Variants in PHACTR1 observed in about 807,000 individuals in gnomAD.
PHACTR1 encodes the protein RPEL repeat containing 1.
A neutral mutation model predicts 69.2 loss-of-function variants in PHACTR1; 16 were observed. The ratio of observed to expected loss-of-function variants is 0.23; its 90% CI spans 0.16 to 0.35. The LOEUF (loss-of-function observed/expected upper bound fraction) is 0.35, where lower values mean the gene tolerates loss of function less well. Among genes scored for constraint, PHACTR1 ranks in the 10% least tolerant of loss-of-function variants. The pLI is 1.00. For missense variants in PHACTR1, 510 were observed against 734.7 expected, an observed-to-expected ratio of 0.69 and a Z score of 3.54; for synonymous variants, 312 against 284.5, an observed-to-expected ratio of 1.10 and a Z score of -0.97.
chr6:12,789,231 T>A (rs1771920580), intron 4 of PHACTR1, among the ~76,000 whole-genome samples: 1 of 152,186 alleles, frequency 6.6e-6, no homozygotes, highest in African/African-American at 2.4e-5. Context: ...CTTACTTGGC[T>A]GGTCAGCAAC....
intron 5 of PHACTR1, among the ~76,000 whole-genome samples, chr6:13,094,728 T>C (rs1241743946): frequency 6.6e-6 from 1 of 152,170 alleles, no homozygotes; most frequent in African/African-American, 2.4e-5. Flanking sequence ...CTACAATCTT[T>C]TGATGCAGAA....
chr6:13,186,733 C>T lies in PHACTR1; in HGVS notation c.664+4047C>T, dbSNP rs112744130. Among the ~76,000 whole-genome samples, 355 of 152,268 alleles carry T rather than the reference C, an allele frequency of 2.3e-3. 3 individuals carry two copies. The highest frequency in any genetic ancestry group is 7.8e-3 in the African/African-American group (323 of 41,536). On this transcript the variant is annotated intron_variant, in intron 7 of 14. Coordinates refer to ENST00000332995, the MANE Select transcript of PHACTR1 (RefSeq NM_030948.6). ...GCAGCTGTCCTCAACCTTTCTGGCA[C>T]GAAGGACCAGTTTTGTGGAAGACCA...
chr6:12,731,684 T>C (rs928305244), intron 3 of PHACTR1, among the ~76,000 whole-genome samples: 1 of 152,324 alleles, frequency 6.6e-6, no homozygotes, highest in East Asian at 1.9e-4. Context: ...AAGTAATCTA[T>C]GTTTCTAATA....
intron 6 of PHACTR1, among the ~76,000 whole-genome samples, chr6:13,172,936 C>T (rs777995640): frequency 5.3e-5 from 8 of 152,230 alleles, no homozygotes; most frequent in Non-Finnish European, 1.2e-4. Context: ...AAGAACATCA[C>T]GGCTCTTGCC....
chr6:13,177,353 C>CTG (rs1761489519), intron 6 of PHACTR1, among the ~76,000 whole-genome samples: 1 of 137,750 alleles, frequency 7.3e-6, no homozygotes, highest in African/African-American at 2.6e-5. Context: ...GTCTGTCTGT[C>CTG]TCTCTCTTGC....
chr6:13,234,942 A>G (rs1584139372), intron 10 of PHACTR1, among the ~76,000 whole-genome samples: 2 of 152,350 alleles, frequency 1.3e-5, no homozygotes, highest in East Asian at 3.9e-4. Context: ...CAAAAATTGT[A>G]GAGCTTCTAT....
intron 5 of PHACTR1, among the ~76,000 whole-genome samples, chr6:13,139,388 G>GT (rs1822064141): frequency 6.6e-6 from 1 of 152,064 alleles, no homozygotes; most frequent in African/African-American, 2.4e-5. Flanking sequence ...AGTATCAGCT[G>GT]TTTGGTCCTC....
chr6:12,811,229 C>T (rs1055727882), intron 4 of PHACTR1, among the ~76,000 whole-genome samples: 1 of 152,186 alleles, frequency 6.6e-6, no homozygotes, highest in African/African-American at 2.4e-5. Context: ...TTGAAGACAA[C>T]ATTGAAAAAT....
intron 3 of PHACTR1, among the ~76,000 whole-genome samples, chr6:12,742,550 A>C (rs1416072308): frequency 6.6e-6 from 1 of 152,138 alleles, no homozygotes; most frequent in African/African-American, 2.4e-5. Context: ...CCTGTGACTT[A>C]GAATGCCTAA....
At chr6:12,777,240 TA>T (rs67110796) in intron 4 of PHACTR1, among the ~76,000 whole-genome samples, 37,109 of 137,988 alleles carry the variant, frequency 0.27, 4,952 homozygotes, top group Middle Eastern at 0.39. Flanking sequence ...TATATATATA[TA>T]TTTTTTTAAT....
chr6:13,118,998 C>T (rs530233582), intron 5 of PHACTR1, among the ~76,000 whole-genome samples: 6 of 152,290 alleles, frequency 3.9e-5, no homozygotes, highest in African/African-American at 9.6e-5. Flanking sequence ...AAGCACCTAG[C>T]ACATAATAGA....
chr6:13,252,385 A>G (rs977396760), intron 10 of PHACTR1, among the ~76,000 whole-genome samples: 13 of 151,848 alleles, frequency 8.6e-5, no homozygotes, highest in African/African-American at 3.1e-4. Flanking sequence ...AAAAAAGAAA[A>G]GGATAAAGTC....
At chr6:12,779,718 GT>G (rs1379851072) in intron 4 of PHACTR1, among the ~76,000 whole-genome samples, 1 of 152,038 alleles carries the variant, frequency 6.6e-6, no homozygotes, top group African/African-American at 2.4e-5. Context: ...CTATTTTCTT[GT>G]TATGCCATAG....
intron 4 of PHACTR1, among the ~76,000 whole-genome samples, chr6:12,842,578 C>G (rs905466898): frequency 6.6e-6 from 1 of 152,176 alleles, no homozygotes; most frequent in African/African-American, 2.4e-5. Flanking sequence ...CAATCTCACT[C>G]TCACTCAGGC....
At position 13,182,451 on chromosome 6, in the gene PHACTR1, G is replaced by A. The variant is rs541436184; in HGVS notation, c.497-68G>A. On this transcript the variant is annotated intron_variant, in intron 6 of 14. Coordinates refer to ENST00000332995, the MANE Select transcript of PHACTR1 (RefSeq NM_030948.6). ...TCAGCAGCATCTAGACTCAGCAGGC[G>A]GGAAGTGCCACTCTTTCTTGAAAGG... 97 of 1,530,770 alleles carry A rather than the reference G, an allele frequency of 6.3e-5. No individual in the cohort carries two copies. In the East Asian group the frequency reaches 1.7e-3, roughly 27 times the overall value. The allele number at this position is 1,530,770 out of a possible 1,614,324, so 94.8% of individuals were successfully genotyped here. A position where few individuals can be genotyped will look rare whatever the true frequency, so the allele number is the denominator to read the frequency against.
At chr6:13,237,723 T>C (rs1240299582) in intron 10 of PHACTR1, among the ~76,000 whole-genome samples, 1 of 152,214 alleles carries the variant, frequency 6.6e-6, no homozygotes, top group East Asian at 1.9e-4. Flanking sequence ...ATTTTGTCAT[T>C]GTGTGGCCAT....
chr6:13,258,705 G>A (rs1177752691), intron 10 of PHACTR1, among the ~76,000 whole-genome samples: 2 of 152,158 alleles, frequency 1.3e-5, no homozygotes, highest in Non-Finnish European at 2.9e-5. Flanking sequence ...CTCTGACAGA[G>A]GGTTACTTAA....
intron 4 of PHACTR1, among the ~76,000 whole-genome samples, chr6:12,784,321 C>T (rs1041076685): frequency 1.3e-5 from 2 of 151,528 alleles, no homozygotes; most frequent in African/African-American, 4.9e-5. Context: ...TCTATACACA[C>T]ATATACATGA....
At chr6:13,252,063 A>AG (rs1007970018) in intron 10 of PHACTR1, among the ~76,000 whole-genome samples, 3 of 149,466 alleles carry the variant, frequency 2.0e-5, no homozygotes, top group African/African-American at 7.5e-5. Flanking sequence ...TTAAAAAAAA[A>AG]AAAAAGAAAG....
Sources: gnomAD v4.1 joint callset for allele counts (sites outside exome capture counted in the v4.1 genomes callset) on GRCh38, gnomAD v4.1.1 for gene constraint, MANE v1.5 for transcripts, NCBI Gene and HGNC (gene_info 2026-07-23, HGNC 2026-07-21) for gene names.